Variants in CTNNA2 observed in about 807,000 individuals in gnomAD.
The protein encoded by CTNNA2 is catenin alpha 2.
CTNNA2 carries 42 observed loss-of-function variants against 101.0 expected under a neutral mutation model. The observed-to-expected ratio is 0.42, with a 90% CI of 0.32 to 0.54. The LOEUF (loss-of-function observed/expected upper bound fraction) is 0.54. CTNNA2 is among the 20% of genes least tolerant of loss of function. CTNNA2 has a pLI of 0.14. For synonymous variants in CTNNA2, 450 were observed against 456.4 expected, an observed-to-expected ratio of 0.99 and a Z score of 0.18; for missense variants, 871 against 1,223.1, an observed-to-expected ratio of 0.71 and a Z score of 4.29.
chr2:79,744,481 A>T lies in CTNNA2; in HGVS notation c.197A>T (p.Gln66Leu). 5 of 1,614,140 alleles carry T rather than the reference A, an allele frequency of 3.1e-6. No individual in the cohort carries two copies. Among genetic ancestry groups the T allele is most frequent in the Non-Finnish European group, 4.2e-6 (5 of 1,180,012 alleles). ...CATGTACTAGCTGCCTCTGTAGAGCAAGCCACTCAGAATTTCCTGGAAAAG... is the reference window on the plus strand; with the variant it reads ...CATGTACTAGCTGCCTCTGTAGAGCTAGCCACTCAGAATTTCCTGGAAAAG... ...KAHVLAASVE[Q>L]ATQNFLEKGE... Residue 66 changes from glutamine (Q) to leucine (L), a missense_variant, in exon 3 of 19, where the codon CAA becomes CTA. Physicochemically the swap from Gln to Leu is moderately radical, Grantham distance 113. Around this residue, in one of 5 missense-constraint regions of CTNNA2, gnomAD observed 647 missense variants for 831.5 expected, o/e 0.78. Transcript: ENST00000402739.
chr2:80,000,739 C>G (rs11891624), intron 7 of CTNNA2, among the ~76,000 whole-genome samples: 7,694 of 152,280 alleles, frequency 0.051, 605 homozygotes, highest in African/African-American at 0.17. Flanking sequence ...TTCTCTCTCT[C>G]TGTGCATGTC....
intron 7 of CTNNA2, among the ~76,000 whole-genome samples, chr2:80,072,587 G>C (rs1572996385): frequency 6.6e-6 from 1 of 152,074 alleles, no homozygotes; most frequent in Admixed American, 6.6e-5. Flanking sequence ...AAGTTGAAAA[G>C]CCCTGCCACT....
chr2:79,414,569 C>T (rs906957330), intron 4 of CTNNA2, among the ~76,000 whole-genome samples: 6 of 152,062 alleles, frequency 3.9e-5, no homozygotes, highest in Admixed American at 1.3e-4. Flanking sequence ...TTCTCGGATT[C>T]TCTACAGATG....
chr2:79,786,818 C>A (rs1291970118), intron 3 of CTNNA2, among the ~76,000 whole-genome samples: 1 of 152,168 alleles, frequency 6.6e-6, no homozygotes, highest in Non-Finnish European at 1.5e-5. Flanking sequence ...GATTTCTCAA[C>A]CTGACAATCC....
chr2:79,971,096 G>GCCCCA (rs1161252404), intron 7 of CTNNA2, among the ~76,000 whole-genome samples: 2 of 152,008 alleles, frequency 1.3e-5, no homozygotes, highest in African/African-American at 4.8e-5. Flanking sequence ...AGGCGAGACA[G>GCCCCA]CCCCATTTTG....
At chr2:79,617,155 G>A (rs1678683243) in intron 1 of CTNNA2, among the ~76,000 whole-genome samples, 1 of 152,010 alleles carries the variant, frequency 6.6e-6, no homozygotes, top group Admixed American at 6.6e-5. Context: ...GCCCACCTTG[G>A]CCTCCCAAAG....
chr2:79,288,832 AG>A (rs1394872165), intron 2 of CTNNA2, among the ~76,000 whole-genome samples: 1 of 152,232 alleles, frequency 6.6e-6, no homozygotes, highest in Non-Finnish European at 1.5e-5. Context: ...ACTGACTTTC[AG>A]TGGGGGAACT....
intron 7 of CTNNA2, among the ~76,000 whole-genome samples, chr2:80,206,608 G>A (rs1273806477): frequency 6.6e-6 from 1 of 152,104 alleles, no homozygotes; most frequent in East Asian, 1.9e-4. Context: ...AGAAGCGAGT[G>A]CATTCTATGT....
chr2:80,057,565 C>T (rs1053732189), intron 7 of CTNNA2, among the ~76,000 whole-genome samples: 3 of 152,148 alleles, frequency 2.0e-5, no homozygotes. Flanking sequence ...TTCCATCTCT[C>T]CTTTTCTCTC....
intron 7 of CTNNA2, among the ~76,000 whole-genome samples, chr2:80,235,190 A>G (rs574419004): frequency 1.2e-4 from 18 of 152,136 alleles, no homozygotes; most frequent in Non-Finnish European, 2.4e-4. Context: ...TCAAATATGC[A>G]TATATGAAAG....
chr2:80,417,182 A>G (rs1680116272), intron 8 of CTNNA2, among the ~76,000 whole-genome samples: 1 of 151,696 alleles, frequency 6.6e-6, no homozygotes, highest in Non-Finnish European at 1.5e-5. Flanking sequence ...TGTGGAGTAC[A>G]ATATGATATT....
intron 2 of CTNNA2, among the ~76,000 whole-genome samples, chr2:79,202,728 G>A (rs1224827297): frequency 9.7e-6 from 1 of 102,588 alleles, no homozygotes. Context: ...ATGGTTCTAC[G>A]TTTCTTTGTT....
At chr2:80,539,601 G>A (rs184654214) in intron 9 of CTNNA2, among the ~76,000 whole-genome samples, 21 of 152,188 alleles carry the variant, frequency 1.4e-4, no homozygotes, top group African/African-American at 5.1e-4. Context: ...ACAATTTAAT[G>A]ATGGCTGCTA....
At chr2:80,335,630 G>A (rs181649162) in intron 7 of CTNNA2, among the ~76,000 whole-genome samples, 5 of 152,246 alleles carry the variant, frequency 3.3e-5, no homozygotes, top group Admixed American at 6.5e-5. Context: ...TCAGTACTTG[G>A]CACCAGATGA....
intron 18 of CTNNA2, among the ~76,000 whole-genome samples, chr2:80,633,662 A>C (rs1224418658): frequency 6.6e-6 from 1 of 152,182 alleles, no homozygotes; most frequent in African/African-American, 2.4e-5. Context: ...CTTCAAGTAG[A>C]CCAAAAAAAG....
At chr2:79,544,032 G>A (rs1673577550) in intron 1 of CTNNA2, among the ~76,000 whole-genome samples, 1 of 152,042 alleles carries the variant, frequency 6.6e-6, no homozygotes, top group Non-Finnish European at 1.5e-5. Flanking sequence ...CCTGCCTCCT[G>A]GGTTCAAGAG....
intron 2 of CTNNA2, among the ~76,000 whole-genome samples, chr2:79,252,523 T>G (rs1674786036): frequency 1.3e-5 from 2 of 152,136 alleles, no homozygotes; most frequent in Non-Finnish European, 2.9e-5. Flanking sequence ...TTGATTTAGG[T>G]ATAACTTGAT....
At chr2:79,815,260 A>T (rs968580585) in intron 3 of CTNNA2, among the ~76,000 whole-genome samples, 3 of 152,104 alleles carry the variant, frequency 2.0e-5, no homozygotes, top group Non-Finnish European at 4.4e-5. Context: ...GCTGTACAAA[A>T]GCTCTTTAGT....
At chr2:80,053,932 G>A (rs943778307) in intron 7 of CTNNA2, among the ~76,000 whole-genome samples, 9 of 152,276 alleles carry the variant, frequency 5.9e-5, no homozygotes, top group African/African-American at 2.2e-4. Flanking sequence ...TATTTGAATT[G>A]TAATCAGTAT....
Sources: allele counts gnomAD v4.1 joint callset (sites outside exome capture counted in the v4.1 genomes callset), GRCh38; gene constraint gnomAD v4.1.1; regional missense constraint gnomAD v4.1.1; transcripts MANE v1.5; gene names NCBI Gene and HGNC (gene_info 2026-07-23, HGNC 2026-07-21).